The following FAM184B variants were observed in gnomAD, a reference collection of about 807,000 sequenced individuals.
FAM184B encodes the protein family with sequence similarity 184 member B, also known as protein FAM184B.
In FAM184B, 111 loss-of-function variants were observed where a neutral mutation model predicts 135.9. That is an observed-to-expected ratio of 0.82 (90% CI 0.70 to 0.96). FAM184B has a LOEUF of 0.96. FAM184B is among the 40% of genes least tolerant of loss of function. FAM184B has a pLI of 0.00. For synonymous variants in FAM184B, 552 were observed against 524.8 expected, an observed-to-expected ratio of 1.05 and a Z score of -0.71; for missense variants, 1,375 against 1,323.9, an observed-to-expected ratio of 1.04 and a Z score of -0.60.
At chr4:17,723,625 G>C (rs1717580280) in intron 1 of FAM184B, among the ~76,000 whole-genome samples, 1 of 152,140 alleles carries the variant, frequency 6.6e-6, no homozygotes, top group Non-Finnish European at 1.5e-5. Context: ...AGTAGCGTCT[G>C]TATACAGTCC....
chr4:17,720,211 C>T (rs1269876621), intron 1 of FAM184B, among the ~76,000 whole-genome samples: 1 of 152,212 alleles, frequency 6.6e-6, no homozygotes, highest in Non-Finnish European at 1.5e-5. Flanking sequence ...ACGTCATACT[C>T]ATGTATTCTG....
At chr4:17,672,465 C>T (rs1716200085) in intron 7 of FAM184B, among the ~76,000 whole-genome samples, 1 of 152,108 alleles carries the variant, frequency 6.6e-6, no homozygotes, top group Admixed American at 6.5e-5. Flanking sequence ...GGAATACTTT[C>T]AACTTTTTCC....
In FAM184B at chr4:17,634,870, A is replaced by T. The variant is rs567467695; in HGVS notation, c.2889+139T>A. 2.8e-5 allele frequency: 16 copies of T among 576,460 alleles called. No homozygotes were observed. In the Middle Eastern group the frequency reaches 1.3e-3, roughly 47 times the overall value. The allele number at this position is 576,460 out of a possible 1,614,324, so 35.7% of individuals were successfully genotyped here. ...TCACACATAATCCGCCCAGCCATAG[A>T]TATAAACAAGTGGGTTTTTTTTTTC... On this transcript the variant is annotated intron_variant, in intron 16 of 17. Coordinates refer to ENST00000265018, the MANE Select transcript of FAM184B (RefSeq NM_015688.2).
intron 1 of FAM184B, among the ~76,000 whole-genome samples, chr4:17,758,252 A>G (rs1718464603): frequency 2.0e-5 from 3 of 152,260 alleles, no homozygotes; most frequent in Non-Finnish European, 4.4e-5. Context: ...TGTTTTTTAC[A>G]GCAAGCCTCC....
intron 1 of FAM184B, among the ~76,000 whole-genome samples, chr4:17,763,570 G>T (rs1343698901): frequency 3.1e-5 from 2 of 63,950 alleles, no homozygotes; most frequent in Non-Finnish European, 8.4e-5. Context: ...CACTTTGGCA[G>T]CGTGAAGAGG....
At chr4:17,765,327 T>C (rs184340489) in intron 1 of FAM184B, among the ~76,000 whole-genome samples, 1 of 152,268 alleles carries the variant, frequency 6.6e-6, no homozygotes, top group Admixed American at 6.5e-5. Context: ...CAAAGGTGAA[T>C]TCCGCTCACA....
At chr4:17,680,730 A>G (rs998599932) in intron 7 of FAM184B, among the ~76,000 whole-genome samples, 8 of 152,128 alleles carry the variant, frequency 5.3e-5, no homozygotes, top group African/African-American at 1.2e-4. Flanking sequence ...TTTCCAAACC[A>G]TCTACTGCAA....
intron 1 of FAM184B, among the ~76,000 whole-genome samples, chr4:17,760,319 C>T (rs1165386691): frequency 6.6e-6 from 1 of 151,940 alleles, no homozygotes; most frequent in Non-Finnish European, 1.5e-5. Flanking sequence ...CAAAAATTAG[C>T]TGGCATTGGT....
rs928337633 is a variant in FAM184B at position 17,639,389 on chromosome 4, C to T, written c.2527G>A (p.Glu843Lys). 14 of 1,551,586 alleles carry T rather than the reference C, an allele frequency of 9.0e-6. No homozygotes were observed. The highest frequency in any genetic ancestry group is 1.1e-5 in the Non-Finnish European group (13 of 1,146,976). ...GCCCGCTGGGCTTGCTGAGTCTCCT[C>T]CAGGAACCTGTGGTGGATGAAAGCA... is the stretch of plus-strand genomic sequence containing the variant. Reference protein sequence around the residue: ...QKLRDQRRFLEETQQAQRARE... With the variant: ...QKLRDQRRFLKETQQAQRARE... Residue 843 changes from glutamate (E) to lysine (K), a missense_variant, in exon 14 of 18, where the codon GAG (glutamate) becomes AAG (lysine). Glu to Lys is a moderately conservative substitution (Grantham distance 56). Transcript: ENST00000265018.
chr4:17,676,387 C>G (rs762538135), intron 7 of FAM184B, among the ~76,000 whole-genome samples: 2 of 152,140 alleles, frequency 1.3e-5, no homozygotes, highest in Non-Finnish European at 2.9e-5. Context: ...TGAAAGATCA[C>G]TGATCACAGA....
At position 17,709,659 on chromosome 4, in the gene FAM184B, A is replaced by T; in HGVS notation, c.142-15T>A. 1 of 1,479,220 alleles carries T rather than the reference A, an allele frequency of 6.8e-7. No individual in the cohort carries two copies. Among genetic ancestry groups the T allele is most frequent in the South Asian group, 1.4e-5 (1 of 72,268 alleles). The allele number at this position is 1,479,220 out of a possible 1,614,324, so 91.6% of individuals were successfully genotyped here. On this transcript the variant is annotated splice_polypyrimidine_tract_variant and intron_variant, in intron 1 of 17. Transcript: ENST00000265018. ...GCATAAATCACCTGCAGGAAAATCA[A>T]CAGAGCCCAGTTAGGGTGAGGGGGC... is the stretch of plus-strand genomic sequence containing the variant.
At chr4:17,729,716 A>T (rs1027370540) in intron 1 of FAM184B, among the ~76,000 whole-genome samples, 4 of 152,258 alleles carry the variant, frequency 2.6e-5, no homozygotes, top group African/African-American at 9.6e-5. Flanking sequence ...TGTCTGTTAG[A>T]AGGAAAACTA....
intron 1 of FAM184B, among the ~76,000 whole-genome samples, chr4:17,778,605 C>T (rs1350619611): frequency 6.6e-6 from 1 of 152,186 alleles, no homozygotes; most frequent in Non-Finnish European, 1.5e-5. Flanking sequence ...CATGCCTGAG[C>T]TTTGGAAGGT....
intron 1 of FAM184B, among the ~76,000 whole-genome samples, chr4:17,740,845 G>T (rs1718017648): frequency 6.6e-6 from 1 of 152,122 alleles, no homozygotes; most frequent in South Asian, 2.1e-4. Context: ...ATCACAACAG[G>T]TTTCACTGTC....
intron 1 of FAM184B, among the ~76,000 whole-genome samples, chr4:17,779,202 AGTAATC>A (rs1718987350): frequency 6.6e-6 from 1 of 152,212 alleles, no homozygotes. Flanking sequence ...CAAATATATT[AGTAATC>A]GCAATAAATC....
intron 16 of FAM184B, 82 bp from the exon 17 acceptor site, chr4:17,633,970 C>CCCAATCAA: frequency 8.9e-7 from 1 of 1,125,708 alleles, no homozygotes; most frequent in South Asian, 2.4e-5. Context: ...ATAATGCTCA[C>CCCAATCAA]CCAATCAAAA....
chr4:17,764,887 A>G (rs1233616847), intron 1 of FAM184B, among the ~76,000 whole-genome samples: 1 of 152,128 alleles, frequency 6.6e-6, no homozygotes, highest in African/African-American at 2.4e-5. Flanking sequence ...CAACATAGCA[A>G]GAGCTTGTCT....
At chr4:17,758,014 T>C (rs1020031147) in intron 1 of FAM184B, among the ~76,000 whole-genome samples, 1 of 152,146 alleles carries the variant, frequency 6.6e-6, no homozygotes, top group African/African-American at 2.4e-5. Flanking sequence ...CTTGGATGTC[T>C]CCCAGGGTCC....
At chr4:17,725,955 G>T (rs1717630393) in intron 1 of FAM184B, among the ~76,000 whole-genome samples, 1 of 149,902 alleles carries the variant, frequency 6.7e-6, no homozygotes, top group Non-Finnish European at 1.5e-5. Context: ...ACAGAGTCTT[G>T]CTCTGTCACC....
Sources: gnomAD v4.1 joint callset for allele counts (sites outside exome capture counted in the v4.1 genomes callset) on GRCh38, gnomAD v4.1.1 for gene constraint, MANE v1.5 for transcripts, NCBI Gene and HGNC (gene_info 2026-07-23, HGNC 2026-07-21) for gene names.